The following RARB variants were observed in gnomAD, a reference collection of about 807,000 sequenced individuals.
RARB encodes the protein HBV-activated protein.
A neutral mutation model predicts 51.9 loss-of-function variants in RARB; 17 were observed. The ratio of observed to expected loss-of-function variants is 0.33; its 90% confidence interval spans 0.22 to 0.49. The LOEUF (loss-of-function observed/expected upper bound fraction) is 0.49, where lower values mean the gene tolerates loss of function less well. RARB is among the 20% of genes least tolerant of loss of function. The pLI is 0.99. For missense variants in RARB, 369 were observed against 550.8 expected (o/e 0.67, Z 3.30); for synonymous variants, 215 against 195.4 (o/e 1.10, Z -0.84).
At chr3:25,263,785 A>G (rs1234159150) in intron 5 of RARB, among the ~76,000 whole-genome samples, 1 of 152,186 alleles carries the variant, frequency 6.6e-6, no homozygotes, top group Non-Finnish European at 1.5e-5. Flanking sequence ...GACGAAGCAC[A>G]TTAAATCTGC....
chr3:25,142,147 C>T lies in RARB; in HGVS notation c.-280+9939C>T, dbSNP rs189594566. 4.5e-4 allele frequency among the ~76,000 whole-genome samples: 68 copies of T among 152,210 alleles called. 1 individual carries two copies. Among genetic ancestry groups the T allele is most frequent in the African/African-American group, 1.3e-3 (55 of 41,532 alleles). On this transcript the variant is annotated intron_variant, in intron 4 of 11. Transcript: ENST00000383772. The stretch of plus-strand genomic sequence containing the variant: ...AGGAGTTCAAGACCAGCCTGGCCAA[C>T]GTGGCGAAACCCCGTCTCTACTAAA...
chr3:24,992,547 C>T (rs1201991794), intron 2 of RARB, among the ~76,000 whole-genome samples: 1 of 152,204 alleles, frequency 6.6e-6, no homozygotes, highest in Non-Finnish European at 1.5e-5. Flanking sequence ...TTTGCTAGGG[C>T]TGCCATACAA....
At chr3:25,471,380 C>T (rs919956766) in intron 2 of RARB, among the ~76,000 whole-genome samples, 4 of 152,182 alleles carry the variant, frequency 2.6e-5, no homozygotes, top group African/African-American at 9.7e-5. Flanking sequence ...ACCTCCATAT[C>T]GAGGAACCTC....
At chr3:25,260,247 G>A (rs1177336253) in intron 5 of RARB, among the ~76,000 whole-genome samples, 1 of 152,092 alleles carries the variant, frequency 6.6e-6, no homozygotes, top group African/African-American at 2.4e-5. Context: ...GCAAGGCTTT[G>A]TTCATAGACA....
At chr3:25,367,301 C>T (rs969657198) in intron 5 of RARB, among the ~76,000 whole-genome samples, 2 of 152,188 alleles carry the variant, frequency 1.3e-5, no homozygotes, top group Admixed American at 6.5e-5. Flanking sequence ...TGGCATCAGT[C>T]ACACTTTGAC....
intron 2 of RARB, among the ~76,000 whole-genome samples, chr3:24,996,464 CT>C (rs1326013485): frequency 6.6e-6 from 1 of 151,846 alleles, no homozygotes; most frequent in Admixed American, 6.6e-5. Context: ...CTGTTTACTT[CT>C]GTTCTGATTT....
At chr3:25,555,916 G>A (rs1700038446) in intron 3 of RARB, among the ~76,000 whole-genome samples, 1 of 152,150 alleles carries the variant, frequency 6.6e-6, no homozygotes. Flanking sequence ...ATGGGTGTGG[G>A]TGTTAAAGGA....
intron 3 of RARB, among the ~76,000 whole-genome samples, chr3:25,556,673 C>A (rs1177831093): frequency 6.6e-6 from 1 of 152,130 alleles, no homozygotes; most frequent in Non-Finnish European, 1.5e-5. Flanking sequence ...GTAAATCATG[C>A]CATTGACCAC....
chr3:25,424,875 T>A (rs558509757), upstream of RARB, among the ~76,000 whole-genome samples: 1 of 152,368 alleles, frequency 6.6e-6, no homozygotes, highest in East Asian at 1.9e-4. Flanking sequence ...GGGTAATTGC[T>A]GTACGAAAAC....
At chr3:25,581,708 G>T (rs148124402) in intron 5 of RARB, among the ~76,000 whole-genome samples, 1 of 152,152 alleles carries the variant, frequency 6.6e-6, no homozygotes, top group Non-Finnish European at 1.5e-5. Flanking sequence ...TTTAGGTGAG[G>T]TTACAGGGTG....
At chr3:24,925,413 A>G (rs1695297833) in intron 2 of RARB, among the ~76,000 whole-genome samples, 1 of 151,876 alleles carries the variant, frequency 6.6e-6, no homozygotes, top group Admixed American at 6.6e-5. Flanking sequence ...GAGGCTGAAT[A>G]TGGAGGGTTG....
intron 4 of RARB, among the ~76,000 whole-genome samples, chr3:25,170,178 A>G (rs1203801102): frequency 1.3e-5 from 2 of 152,122 alleles, no homozygotes; most frequent in Non-Finnish European, 2.9e-5. Flanking sequence ...TTATTGGAAT[A>G]CAGCCACACC....
chr3:25,151,765 T>G (rs1402949890), intron 4 of RARB, among the ~76,000 whole-genome samples: 1 of 152,230 alleles, frequency 6.6e-6, no homozygotes, highest in African/African-American at 2.4e-5. Context: ...TGAACACGTC[T>G]CAAAGGAATG....
At chr3:25,356,618 A>G (rs1279111133) in intron 5 of RARB, among the ~76,000 whole-genome samples, 3 of 152,160 alleles carry the variant, frequency 2.0e-5, no homozygotes, top group East Asian at 3.9e-4. Flanking sequence ...GCACCCATCA[A>G]CCCATCATCT....
intron 5 of RARB, among the ~76,000 whole-genome samples, chr3:25,229,356 C>CA (rs1047500118): frequency 1.3e-5 from 2 of 151,592 alleles, no homozygotes; most frequent in Non-Finnish European, 2.9e-5. Context: ...TGAAGGTATT[C>CA]AAAAAAACAA....
intron 4 of RARB, among the ~76,000 whole-genome samples, chr3:25,576,201 G>A (rs887816100): frequency 6.6e-6 from 1 of 152,198 alleles, no homozygotes; most frequent in African/African-American, 2.4e-5. Flanking sequence ...GGCTTTGGGT[G>A]CTGGGATAAG....
chr3:25,565,482 G>C (rs1041546588), intron 3 of RARB, among the ~76,000 whole-genome samples: 1 of 152,022 alleles, frequency 6.6e-6, no homozygotes, highest in Non-Finnish European at 1.5e-5. Context: ...ATTGTATGAT[G>C]AATGTCTGTC....
chr3:24,932,065 A>G (rs1695452601), intron 2 of RARB, among the ~76,000 whole-genome samples: 1 of 151,364 alleles, frequency 6.6e-6, no homozygotes, highest in South Asian at 2.1e-4. Context: ...ACAAATAGAA[A>G]CTCCCAACTT....
chr3:25,513,691 A>G (rs1283032283), intron 3 of RARB, among the ~76,000 whole-genome samples: 1 of 80,534 alleles, frequency 1.2e-5, no homozygotes, highest in Non-Finnish European at 2.1e-5. Flanking sequence ...CACACATTTC[A>G]TCAAATCGAT....
Sources: allele counts gnomAD v4.1 joint callset (sites outside exome capture counted in the v4.1 genomes callset), GRCh38; gene constraint gnomAD v4.1.1; transcripts MANE v1.5; gene names NCBI Gene and HGNC (gene_info 2026-07-23, HGNC 2026-07-21).